VPS35L: variants seen among roughly 807,000 people sequenced by gnomAD.
VPS35L encodes the protein VPS35 endosomal protein sorting factor like, also known as VPS35 endosomal protein-sorting factor-like.
Under a neutral mutation model 133.0 loss-of-function variants are expected in VPS35L, and 83 were observed. The ratio of observed to expected loss-of-function variants is 0.62; its 90% CI spans 0.52 to 0.75. The LOEUF is 0.75. Ranked by LOEUF, VPS35L falls within the 30% of genes least tolerant of loss-of-function variation. The pLI, the probability that VPS35L is intolerant of heterozygous loss-of-function variation, is 0.00. For missense variants in VPS35L, 1,083 were observed against 1,206.8 expected, an observed-to-expected ratio of 0.90 and a Z score of 1.52; for synonymous variants, 423 against 449.9, an observed-to-expected ratio of 0.94 and a Z score of 0.76.
In VPS35L at chr16:19,608,209, G is replaced by C; in HGVS notation, c.816G>C (p.Thr272=). 6.2e-7 allele frequency: 1 copy of C among 1,613,368 alleles called. No homozygotes were observed. The highest frequency in any genetic ancestry group is 2.2e-5 in the East Asian group (1 of 44,860). The change falls in exon 10 of 31, where the codon ACG becomes ACC. Residue 272 remains threonine (T), a synonymous_variant. Transcript: ENST00000417362. ...TTTCTCCAGAGAATGCAAATGACACGGCCAAGGAAACATGCCTAAATTGGT... is the reference window on the plus strand; with the variant it reads ...TTTCTCCAGAGAATGCAAATGACACCGCCAAGGAAACATGCCTAAATTGGT... ...DHFSPENAND[T]AKETCLNWFF...
At chr16:19,667,341 G>A (rs1008879891) in intron 26 of VPS35L, among the ~76,000 whole-genome samples, 8 of 152,098 alleles carry the variant, frequency 5.3e-5, no homozygotes, top group South Asian at 4.1e-4. Context: ...CTATCAGAAC[G>A]GACATCAGGT....
At chr16:19,587,852 T>G (rs1971920968) in intron 7 of VPS35L, among the ~76,000 whole-genome samples, 2 of 144,648 alleles carry the variant, frequency 1.4e-5, no homozygotes, top group African/African-American at 5.2e-5. Context: ...AAGGCTGGAG[T>G]GCAGTGGCGT....
chr16:19,600,590 C>A (rs1251039746), intron 8 of VPS35L, among the ~76,000 whole-genome samples: 4 of 152,126 alleles, frequency 2.6e-5, no homozygotes, highest in African/African-American at 9.7e-5. Context: ...ATATTGAGTA[C>A]CCCCTGTGTG....
chr16:19,655,664 G>C (rs1373447248), intron 26 of VPS35L, among the ~76,000 whole-genome samples: 1 of 152,168 alleles, frequency 6.6e-6, no homozygotes, highest in Admixed American at 6.5e-5. Context: ...TGTACACACC[G>C]GTGCTGTGCA....
chr16:19,668,425 C>A lies in VPS35L; in HGVS notation c.2222-735C>A, dbSNP rs190022641. Among the ~76,000 whole-genome samples the A allele has an allele frequency of 2.3e-4, 35 of 152,300 alleles. 1 individual carries two copies. Among genetic ancestry groups the A allele is most frequent in the Admixed American group, 4.6e-4 (7 of 15,294 alleles). ...TCCTTCCTGCTCTCCCTCATCCCTT[C>A]CACCCCGTCTCCTGTTGTGCACACA... On this transcript the variant is annotated intron_variant, in intron 26 of 30. Coordinates refer to ENST00000417362, the MANE Select transcript of VPS35L (RefSeq NM_020314.7).
rs114311828 is a variant in VPS35L, at chr16:19,613,671, C to T, written c.1024-2443C>T. On this transcript the variant is annotated intron_variant, in intron 12 of 30. Transcript: ENST00000417362. ...AGGGCTGATTCTTGGTGGATTACCT[C>T]GGGTTGTTTGTCCACCCCTAGACTA... 4.7e-3 allele frequency among the ~76,000 whole-genome samples: 713 copies of T among 152,218 alleles called. 5 individuals carry two copies. Among genetic ancestry groups the T allele is most frequent in the Middle Eastern group, 0.014 (4 of 294 alleles).
intron 1 of VPS35L, among the ~76,000 whole-genome samples, chr16:19,564,299 G>T (rs970238358): frequency 1.6e-4 from 24 of 151,922 alleles, no homozygotes; most frequent in Admixed American, 1.1e-3. Flanking sequence ...GGATGATCTC[G>T]ATCTCCTGAC....
chr16:19,589,353 C>T (rs1409294414), intron 7 of VPS35L, among the ~76,000 whole-genome samples: 1 of 152,130 alleles, frequency 6.6e-6, no homozygotes, highest in Non-Finnish European at 1.5e-5. Context: ...AAGTGATTCT[C>T]CCACCTCAGC....
At chr16:19,688,394 C>A (rs756424051) in intron 28 of VPS35L, among the ~76,000 whole-genome samples, 1 of 152,200 alleles carries the variant, frequency 6.6e-6, no homozygotes, top group Admixed American at 6.5e-5. Flanking sequence ...AAATCACATT[C>A]TAGCAGATAA....
In VPS35L at chr16:19,652,049, A is replaced by G. The variant is rs139837931; in HGVS notation, c.2180A>G (p.His727Arg). The G allele has an allele frequency of 6.2e-7, 1 of 1,612,686 alleles. No homozygotes were observed. The highest frequency in any genetic ancestry group is 8.5e-7 in the Non-Finnish European group (1 of 1,179,432). ...TTCACACGTCTCAATCTCTACCTGC[A>G]TTCTGGTCAGGTGGCCTTGGCCAAC... ...GIFTRLNLYL[H>R]SGQVALANQC... Residue 727 changes from histidine (H) to arginine (R), a missense_variant, in exon 26 of 31, where the codon CAT (histidine) becomes CGT (arginine). Coordinates refer to ENST00000417362, the MANE Select transcript of VPS35L (RefSeq NM_020314.7).
Position 19,644,919 on chromosome 16 carries a change from G to C in VPS35L, c.1899G>C (p.Leu633=). Residue 633 remains leucine (L), a synonymous_variant, in exon 23 of 31, where the codon CTG becomes CTC. Transcript: ENST00000417362. ...CTCTTGAGGATGAGAAAAGAATGCT[G>C]TCATATTTGATTAATGGATTTATAA... ...ALTLEDEKRM[L]SYLINGFIKM... is the part of the protein sequence containing the mutation. 1 of 1,601,628 alleles carries C rather than the reference G, an allele frequency of 6.2e-7. No individual in the cohort carries two copies. Among genetic ancestry groups the C allele is most frequent in the African/African-American group, 1.3e-5 (1 of 74,772 alleles).
intron 3 of VPS35L, among the ~76,000 whole-genome samples, chr16:19,572,521 A>G (rs1263442868): frequency 6.6e-6 from 1 of 152,198 alleles, no homozygotes; most frequent in Non-Finnish European, 1.5e-5. Flanking sequence ...GATGTTGAAG[A>G]GGGTCTGTTT....
At chr16:19,585,195 G>T (rs226853) in intron 7 of VPS35L, among the ~76,000 whole-genome samples, 9,859 of 152,072 alleles carry the variant, frequency 0.065, 728 homozygotes, top group African/African-American at 0.18. Flanking sequence ...GCACATTTGC[G>T]TACAATTATT....
In VPS35L at chr16:19,633,495, T is replaced by G. The variant is rs1331561701; in HGVS notation, c.1635+323T>G. On this transcript the variant is annotated intron_variant, in intron 19 of 30. Transcript: ENST00000417362. The surrounding 1 kb of genome is among the most constrained non-coding windows in gnomAD (Gnocchi z 4.1). The stretch of plus-strand genomic sequence containing the variant: ...TTGTCACCAGTAAGTAAACTGCGAG[T>G]ATTTTTAGTTAAATCAACTTTGTTT... 6.6e-6 allele frequency among the ~76,000 whole-genome samples: 1 copy of G among 152,178 alleles called. No individual in the cohort carries two copies. Among genetic ancestry groups the G allele is most frequent in the Non-Finnish European group, 1.5e-5 (1 of 68,028 alleles).
chr16:19,674,503 C>T (rs907482934), intron 27 of VPS35L, among the ~76,000 whole-genome samples: 3 of 152,058 alleles, frequency 2.0e-5, no homozygotes, highest in African/African-American at 4.8e-5. Context: ...CCTCTGCGTG[C>T]AGCCTACTCA....
At chr16:19,588,414 A>G (rs531901878) in intron 7 of VPS35L, among the ~76,000 whole-genome samples, 17 of 150,974 alleles carry the variant, frequency 1.1e-4, no homozygotes, top group Non-Finnish European at 2.4e-4. Context: ...CTCAATTCAA[A>G]CTCCTGACCT....
At chr16:19,583,567 A>G (rs1971771514) in intron 7 of VPS35L, among the ~76,000 whole-genome samples, 1 of 152,060 alleles carries the variant, frequency 6.6e-6, no homozygotes, top group Non-Finnish European at 1.5e-5. Context: ...ATTTAAAAAT[A>G]CACAATAAGC....
rs2151633419 is a variant in VPS35L, at chr16:19,699,098, C to T, written c.2647-404C>T. ...CCAGGGGCAGGAATACTGACTGCAG[C>T]TTTGGGTAGTTTGAGGACACATCTG... On this transcript the variant is annotated intron_variant, in intron 29 of 30. Coordinates refer to ENST00000417362, the MANE Select transcript of VPS35L (RefSeq NM_020314.7). The surrounding 1 kb of genome is among the most constrained non-coding windows in gnomAD (Gnocchi z 4.2). 6.6e-6 allele frequency among the ~76,000 whole-genome samples: 1 copy of T among 152,286 alleles called. No individual in the cohort carries two copies. The highest frequency in any genetic ancestry group is 1.9e-4 in the East Asian group (1 of 5,176).
chr16:19,602,493 C>T (rs976986700), intron 9 of VPS35L, among the ~76,000 whole-genome samples: 1 of 151,992 alleles, frequency 6.6e-6, no homozygotes, highest in Non-Finnish European at 1.5e-5. Flanking sequence ...TTCCTCTTTC[C>T]TTTATTCCTC....
Sources: gnomAD v4.1 joint callset for allele counts (sites outside exome capture counted in the v4.1 genomes callset) on GRCh38, gnomAD v4.1.1 for gene constraint, Gnocchi (gnomAD v3.1) non-coding constraint, MANE v1.5 for transcripts, NCBI Gene and HGNC (gene_info 2026-07-23, HGNC 2026-07-21) for gene names.